ESRRG: variants seen among roughly 807,000 people sequenced by gnomAD.
The protein encoded by ESRRG is estrogen related receptor gamma.
Under a neutral mutation model 44.0 loss-of-function variants are expected in ESRRG, and 13 were observed. That is an observed-to-expected ratio of 0.30 (90% CI 0.19 to 0.47). ESRRG has a LOEUF of 0.47. Ranked by LOEUF, ESRRG falls within the 20% of genes least tolerant of loss-of-function variation. ESRRG has a pLI of 1.00. For synonymous variants in ESRRG, 215 were observed against 214.6 expected (o/e 1.00, Z -0.02); for missense variants, 395 against 580.6 (o/e 0.68, Z 3.29).
At chr1:216,775,599 C>G in intron 2 of ESRRG, among the ~76,000 whole-genome samples, 1 of 99,218 alleles carries the variant, frequency 1.0e-5, no homozygotes, top group Non-Finnish European at 2.0e-5. Flanking sequence ...TTTTAGACAG[C>G]GTCTCACGCT....
intron 2 of ESRRG, among the ~76,000 whole-genome samples, chr1:216,735,218 T>G (rs1194744345): frequency 6.6e-6 from 1 of 151,440 alleles, no homozygotes; most frequent in Non-Finnish European, 1.5e-5. Context: ...TCATTGTTTT[T>G]TTGTTTTTGA....
intron 2 of ESRRG, among the ~76,000 whole-genome samples, chr1:216,787,595 C>A (rs1331360134): frequency 3.8e-5 from 4 of 105,374 alleles, no homozygotes; most frequent in Non-Finnish European, 5.4e-5. Context: ...GAGCAAGACT[C>A]CATCAAAAAA....
At chr1:216,866,112 G>C (rs1328067428) in intron 2 of ESRRG, among the ~76,000 whole-genome samples, 1 of 152,176 alleles carries the variant, frequency 6.6e-6, no homozygotes, top group African/African-American at 2.4e-5. Context: ...CAAATATTGT[G>C]AACATGCTGT....
At position 216,755,328 on chromosome 1, in the gene ESRRG, T is replaced by C. The variant is rs369438525; in HGVS notation, c.-13-77837A>G. On this transcript the variant is annotated intron_variant, in intron 2 of 7. Transcript: ENST00000359162. Reference sequence around the variant, plus strand: ...AAATTAATTTGTGAATTTCAAGTCATGATTTGCCTTCATTCCACCTAGACC... The same window carrying C: ...AAATTAATTTGTGAATTTCAAGTCACGATTTGCCTTCATTCCACCTAGACC... Among the ~76,000 whole-genome samples the C allele has an allele frequency of 1.4e-4, 22 of 152,126 alleles. No homozygotes were observed. In the East Asian group the frequency reaches 4.3e-3, roughly 29 times the overall value.
chr1:216,973,826 C>CAAAA (rs76576502), intron 1 of ESRRG, among the ~76,000 whole-genome samples: 1 of 116,458 alleles, frequency 8.6e-6, no homozygotes, highest in Admixed American at 8.3e-5. Flanking sequence ...AACTCTGTCT[C>CAAAA]AAAAAAAAAA....
At chr1:217,106,461 C>T (rs911299583) in intron 1 of ESRRG, among the ~76,000 whole-genome samples, 1 of 151,962 alleles carries the variant, frequency 6.6e-6, no homozygotes, top group Admixed American at 6.6e-5. Context: ...GATTCTATGA[C>T]TCATTCCTGA....
At chr1:217,007,301 T>C (rs1361071291) in intron 1 of ESRRG, among the ~76,000 whole-genome samples, 2 of 152,186 alleles carry the variant, frequency 1.3e-5, no homozygotes, top group African/African-American at 4.8e-5. Flanking sequence ...ACCATCACCA[T>C]ATGGTTCCAG....
intron 3 of ESRRG, among the ~76,000 whole-genome samples, chr1:216,616,132 G>A (rs2061401964): frequency 6.6e-6 from 1 of 152,122 alleles, no homozygotes; most frequent in South Asian, 2.1e-4. Context: ...ATTATACTAG[G>A]GTCGCTGTGG....
intron 1 of ESRRG, among the ~76,000 whole-genome samples, chr1:217,107,730 G>A (rs898593947): frequency 6.6e-6 from 1 of 152,136 alleles, no homozygotes; most frequent in African/African-American, 2.4e-5. Context: ...ATGCACAAGG[G>A]CCATAGGATT....
rs116028307 is a variant in ESRRG at position 216,721,938 on chromosome 1, C to T, written c.56+1306G>A. On this transcript the variant is annotated intron_variant, in intron 1 of 6. Transcript: ENST00000408911. ...TATAATCTTTCAGTTCCTCCTAAAT[C>T]CATCTCTTGGCTAATATTCCCTGTG... 3.4e-3 allele frequency among the ~76,000 whole-genome samples: 514 copies of T among 152,308 alleles called. 9 individuals are homozygous for T. The East Asian group carries it at 0.049, about 14-fold the overall frequency.
intron 3 of ESRRG, among the ~76,000 whole-genome samples, chr1:216,578,546 C>T (rs1344810453): frequency 6.6e-6 from 1 of 151,914 alleles, no homozygotes; most frequent in Admixed American, 6.6e-5. Context: ...AATGAAGGAA[C>T]ACGAAAAAGC....
intron 1 of ESRRG, among the ~76,000 whole-genome samples, chr1:216,968,737 A>G (rs914689660): frequency 4.7e-5 from 7 of 147,908 alleles, no homozygotes; most frequent in Non-Finnish European, 8.9e-5. Context: ...TTAAGAATCC[A>G]TGGGTTGATA....
chr1:216,799,334 T>C (rs1031293915), intron 2 of ESRRG, among the ~76,000 whole-genome samples: 3 of 152,136 alleles, frequency 2.0e-5, no homozygotes, highest in Non-Finnish European at 4.4e-5. Context: ...GTCTTGCTTC[T>C]TCTTCCATAT....
chr1:216,693,071 T>A (rs529437320), intron 1 of ESRRG, among the ~76,000 whole-genome samples: 1 of 152,344 alleles, frequency 6.6e-6, no homozygotes, highest in Non-Finnish European at 1.5e-5. Context: ...TGCTTTTCCT[T>A]CTCTCTGGAA....
intron 2 of ESRRG, among the ~76,000 whole-genome samples, chr1:216,801,040 G>A (rs185751115): frequency 7.2e-5 from 11 of 152,136 alleles, no homozygotes; most frequent in Admixed American, 5.9e-4. Flanking sequence ...TATACATATA[G>A]TGAAATGGTT....
chr1:216,856,671 C>T (rs1317269698), intron 2 of ESRRG, among the ~76,000 whole-genome samples: 3 of 152,050 alleles, frequency 2.0e-5, no homozygotes, highest in East Asian at 1.9e-4. Context: ...CAATTATTGA[C>T]GAAGAGTATA....
intron 5 of ESRRG, among the ~76,000 whole-genome samples, chr1:216,546,891 G>T (rs933052619): frequency 1.3e-5 from 2 of 151,766 alleles, no homozygotes; most frequent in East Asian, 2.0e-4. Context: ...GTGCCATGGT[G>T]GTTTGCTGCA....
chr1:216,649,956 G>T (rs2068547246), intron 3 of ESRRG, among the ~76,000 whole-genome samples: 1 of 152,074 alleles, frequency 6.6e-6, no homozygotes, highest in Non-Finnish European at 1.5e-5. Flanking sequence ...AAAAATAGGG[G>T]ATCTCCAGTA....
intron 2 of ESRRG, among the ~76,000 whole-genome samples, chr1:216,782,023 T>C (rs1257507954): frequency 6.6e-6 from 1 of 152,060 alleles, no homozygotes; most frequent in Non-Finnish European, 1.5e-5. Flanking sequence ...TAAACCCTAA[T>C]AAGCTTTTTA....
Sources: gnomAD v4.1 joint callset for allele counts (sites outside exome capture counted in the v4.1 genomes callset) on GRCh38, gnomAD v4.1.1 for gene constraint, MANE v1.5 for transcripts, NCBI Gene and HGNC (gene_info 2026-07-23, HGNC 2026-07-21) for gene names.